The following FGF14 variants were observed in gnomAD, a reference collection of about 807,000 sequenced individuals.
The protein encoded by FGF14 is fibroblast growth factor 14, also known as fibroblast growth factor homologous factor 4.
FGF14 carries 5 observed loss-of-function variants against 25.5 expected under a neutral mutation model. The observed-to-expected ratio is 0.20, with a 90% confidence interval of 0.10 to 0.41. The LOEUF (loss-of-function observed/expected upper bound fraction) is 0.41, where lower values mean the gene tolerates loss of function less well. Among genes scored for constraint, FGF14 ranks in the 10% least tolerant of loss-of-function variants. The pLI is 1.00. For synonymous variants in FGF14, 138 were observed against 118.3 expected (o/e 1.17, Z -1.08); for missense variants, 222 against 320.1 (o/e 0.69, Z 2.34).
chr13:102,153,601 ATT>A (rs1337068604), intron 1 of FGF14, among the ~76,000 whole-genome samples: 1 of 152,212 alleles, frequency 6.6e-6, no homozygotes, highest in Admixed American at 6.5e-5. Flanking sequence ...TTTTATTTTT[ATT>A]GAGGTAAAAA....
intron 1 of FGF14, among the ~76,000 whole-genome samples, chr13:102,316,065 T>C (rs58916903): frequency 0.024 from 3,598 of 152,272 alleles, 145 homozygotes; most frequent in African/African-American, 0.081. Context: ...GGGGAAAATA[T>C]GTCCTGCCAG....
At chr13:101,914,042 G>C (rs977464352) in intron 1 of FGF14, among the ~76,000 whole-genome samples, 3 of 151,818 alleles carry the variant, frequency 2.0e-5, no homozygotes, top group Non-Finnish European at 4.4e-5. Context: ...ATTATTTTCA[G>C]CTATAAAGAC....
upstream of FGF14, among the ~76,000 whole-genome samples, chr13:101,920,127 G>A (rs1408271496): frequency 1.3e-5 from 2 of 152,202 alleles, no homozygotes; most frequent in Non-Finnish European, 2.9e-5. Context: ...GCCATCTGCT[G>A]TCTTAAGCTG....
At chr13:101,965,069 C>A (rs1014552968) in intron 1 of FGF14, among the ~76,000 whole-genome samples, 3 of 151,976 alleles carry the variant, frequency 2.0e-5, no homozygotes, top group African/African-American at 4.8e-5. Flanking sequence ...TGGGGAGACC[C>A]CCTTGTCTAC....
At chr13:102,340,067 T>C (rs915374455) in intron 1 of FGF14, among the ~76,000 whole-genome samples, 5 of 152,204 alleles carry the variant, frequency 3.3e-5, no homozygotes, top group African/African-American at 1.2e-4. Flanking sequence ...TTGTTTAGTT[T>C]ATTTTTGAAA....
intron 1 of FGF14, among the ~76,000 whole-genome samples, chr13:102,112,863 T>C (rs781535203): frequency 6.6e-6 from 1 of 152,200 alleles, no homozygotes; most frequent in Non-Finnish European, 1.5e-5. Context: ...AGCAATTTTC[T>C]CATGGCTCTC....
intron 3 of FGF14, among the ~76,000 whole-genome samples, chr13:101,817,074 G>A (rs1003719336): frequency 6.6e-6 from 1 of 152,112 alleles, no homozygotes; most frequent in Admixed American, 6.5e-5. Flanking sequence ...TTTTGTGAAA[G>A]GACTAACAGA....
intron 1 of FGF14, among the ~76,000 whole-genome samples, chr13:102,083,979 C>G (rs1180205019): frequency 1.3e-5 from 2 of 152,140 alleles, no homozygotes; most frequent in African/African-American, 2.4e-5. Context: ...AGATTAGTCT[C>G]TCTTAATCTC....
intron 1 of FGF14, among the ~76,000 whole-genome samples, chr13:101,953,281 TTC>T (rs1339368987): frequency 6.6e-6 from 1 of 152,130 alleles, no homozygotes; most frequent in Admixed American, 6.5e-5. Context: ...TCTGACTTTT[TTC>T]TGTTTATCTT....
intron 1 of FGF14, among the ~76,000 whole-genome samples, chr13:102,372,776 C>G (rs368535666): frequency 1.3e-5 from 2 of 152,082 alleles, no homozygotes; most frequent in East Asian, 1.9e-4. Flanking sequence ...GTAGTCTGCC[C>G]AGCAATGCTG....
rs3064705 is a variant in FGF14 at position 101,753,298 on chromosome 13, GACACACAC to G, written c.409-26496_409-26489del. 5.1e-4 allele frequency among the ~76,000 whole-genome samples: 74 copies of G among 145,904 alleles called. 1 individual carries two copies. Among genetic ancestry groups the G allele is most frequent in the African/African-American group, 8.8e-4 (35 of 39,838 alleles). ...ACACACACACAGACACACACAGACAGACACACACACACACACACACACACACACACACG... is the reference window on the plus strand; with the variant it reads ...ACACACACACAGACACACACAGACAGACACACACACACACACACACACACG... On this transcript the variant is annotated intron_variant, in intron 3 of 4. Coordinates refer to ENST00000376143, the MANE Select transcript of FGF14 (RefSeq NM_004115.4).
intron 1 of FGF14, among the ~76,000 whole-genome samples, chr13:101,998,728 A>G (rs1248715764): frequency 1.3e-5 from 2 of 152,286 alleles, no homozygotes; most frequent in East Asian, 1.9e-4. Flanking sequence ...TATGATCATG[A>G]TGTAATGGGA....
chr13:101,894,928 C>A (rs1056034975), intron 1 of FGF14, among the ~76,000 whole-genome samples: 2 of 152,080 alleles, frequency 1.3e-5, no homozygotes, highest in Non-Finnish European at 2.9e-5. Context: ...TCTACTGTAA[C>A]CTTAGACAAC....
At chr13:101,907,775 A>T (rs537276459) in intron 1 of FGF14, among the ~76,000 whole-genome samples, 1 of 152,256 alleles carries the variant, frequency 6.6e-6, no homozygotes, top group South Asian at 2.1e-4. Context: ...ACTGTTAAGG[A>T]TAATACAGGA....
chr13:101,821,114 A>C (rs1246870157), intron 3 of FGF14, among the ~76,000 whole-genome samples: 6 of 150,922 alleles, frequency 4.0e-5, no homozygotes, highest in African/African-American at 1.2e-4. Flanking sequence ...ACGCCGGGCT[A>C]ATTTTTTGTA....
At chr13:102,317,537 A>C (rs1018794672) in intron 1 of FGF14, among the ~76,000 whole-genome samples, 1 of 152,222 alleles carries the variant, frequency 6.6e-6, no homozygotes, top group Non-Finnish European at 1.5e-5. Context: ...AATATAAATG[A>C]ATGAATTTTT....
At chr13:102,368,116 T>G (rs977639600) in intron 1 of FGF14, 1 of 152,132 alleles carries the variant, frequency 6.6e-6, no homozygotes, top group African/African-American at 2.4e-5. Flanking sequence ...AGAGTAAACT[T>G]TGTGTGAGCG....
At chr13:101,777,062 G>A (rs1359649328) in intron 3 of FGF14, among the ~76,000 whole-genome samples, 3 of 152,146 alleles carry the variant, frequency 2.0e-5, no homozygotes, top group East Asian at 1.9e-4. Flanking sequence ...GTTTCAAAAG[G>A]CGAAGTGTTG....
chr13:101,808,608 C>T lies in FGF14; in HGVS notation c.408+60117G>A, dbSNP rs144991776. Among the ~76,000 whole-genome samples, 81 of 152,138 alleles carry T rather than the reference C, an allele frequency of 5.3e-4. 1 individual carries two copies. The highest frequency in any genetic ancestry group is 1.9e-3 in the African/African-American group (77 of 41,526). The stretch of plus-strand genomic sequence containing the variant: ...TGAGCTATTAGTAATGAAAATATGA[C>T]GTGGTAGCTATAACTTGGCCTCTCT... On this transcript the variant is annotated intron_variant, in intron 3 of 4. Coordinates refer to ENST00000376143, the MANE Select transcript of FGF14 (RefSeq NM_004115.4).
Sources: allele counts gnomAD v4.1 joint callset (sites outside exome capture counted in the v4.1 genomes callset), GRCh38; gene constraint gnomAD v4.1.1; transcripts MANE v1.5; gene names NCBI Gene and HGNC (gene_info 2026-07-23, HGNC 2026-07-21).